Variants in SERPINB5 observed in about 807,000 individuals in gnomAD.
SERPINB5 encodes serpin family B member 5.
A neutral mutation model predicts 32.2 loss-of-function variants in SERPINB5; 27 were observed. That is an observed-to-expected ratio of 0.84 (90% CI 0.62 to 1.16). SERPINB5 has a LOEUF of 1.16. SERPINB5 is among the 50% of genes most tolerant of loss of function. The probability of loss-of-function intolerance (pLI) is 0.00; values close to 1 mark genes in which losing one functional copy is unlikely to be tolerated. For synonymous variants in SERPINB5, 154 were observed against 157.4 expected, an observed-to-expected ratio of 0.98 and a Z score of 0.16; for missense variants, 388 against 436.3, an observed-to-expected ratio of 0.89 and a Z score of 0.99.
At chr18:63,487,688 A>G (rs1283683566) in intron 3 of SERPINB5, among the ~76,000 whole-genome samples, 2 of 152,196 alleles carry the variant, frequency 1.3e-5, no homozygotes, top group Non-Finnish European at 2.9e-5. Context: ...TACAAACACC[A>G]CTACGGTACC....
intron 6 of SERPINB5, among the ~76,000 whole-genome samples, chr18:63,502,651 C>G (rs2144512457): frequency 6.6e-6 from 1 of 152,212 alleles, no homozygotes; most frequent in Admixed American, 6.5e-5. Flanking sequence ...GTGTAAAAAG[C>G]TTTCTAATTT....
chr18:63,489,401 T>C lies in SERPINB5; in HGVS notation c.361T>C (p.Phe121Leu). The C allele has an allele frequency of 6.2e-7, 1 of 1,613,528 alleles. No homozygotes were observed. Among genetic ancestry groups the C allele is most frequent in the South Asian group, 1.1e-5 (1 of 90,944 alleles). ...PYAKELETVD[F>L]KDKLEETKGQ... ...TGCAAAGGAATTGGAAACTGTTGACTTCAAAGATAAATTGGAAGAAACGAA... is the reference window on the plus strand; with the variant it reads ...TGCAAAGGAATTGGAAACTGTTGACCTCAAAGATAAATTGGAAGAAACGAA... Residue 121 changes from phenylalanine (F) to leucine (L), a missense_variant, in exon 4 of 7, where the codon TTC becomes CTC. By Grantham distance (22) the Phe-to-Leu change is conservative. Coordinates refer to ENST00000382771, the MANE Select transcript of SERPINB5 (RefSeq NM_002639.5).
At chr18:63,484,711 A>G in intron 2 of SERPINB5, 115 bp downstream of exon 2, 1 of 615,008 alleles carries the variant, frequency 1.6e-6, no homozygotes, top group South Asian at 2.4e-5. Context: ...GTCAAGATTC[A>G]GAACTGTGCC....
At chr18:63,487,434 A>G (rs1329887484) in intron 3 of SERPINB5, among the ~76,000 whole-genome samples, 1 of 152,210 alleles carries the variant, frequency 6.6e-6, no homozygotes, top group African/African-American at 2.4e-5. Flanking sequence ...TAAGACAGCT[A>G]ATGATTTAAA....
intron 3 of SERPINB5, among the ~76,000 whole-genome samples, chr18:63,488,968 A>G (rs1178279156): frequency 6.6e-6 from 1 of 152,114 alleles, no homozygotes; most frequent in East Asian, 1.9e-4. Context: ...CAAAGACAAG[A>G]GTTTTCTGCT....
intron 1 of SERPINB5, among the ~76,000 whole-genome samples, chr18:63,481,790 A>T (rs1300484241): frequency 6.6e-6 from 1 of 152,152 alleles, no homozygotes; most frequent in East Asian, 1.9e-4. Context: ...ACAGGCTTTC[A>T]TTTTTGCCTC....
At chr18:63,497,552 A>G (rs978200453) in intron 5 of SERPINB5, among the ~76,000 whole-genome samples, 1 of 152,072 alleles carries the variant, frequency 6.6e-6, no homozygotes, top group Admixed American at 6.5e-5. Context: ...GGACTTAGAG[A>G]TAATTTTAAA....
intron 4 of SERPINB5, among the ~76,000 whole-genome samples, chr18:63,491,364 T>A (rs935627008): frequency 4.4e-5 from 6 of 137,306 alleles, no homozygotes; most frequent in Non-Finnish European, 9.1e-5. Flanking sequence ...ATCGCGCCAT[T>A]GCACTCCAGC....
intron 6 of SERPINB5, among the ~76,000 whole-genome samples, chr18:63,500,278 G>A (rs1390269990): frequency 1.3e-5 from 2 of 149,526 alleles, no homozygotes; most frequent in South Asian, 2.1e-4. Context: ...TGTCCAGGCT[G>A]GTCTTGAAAT....
chr18:63,497,653 G>A (rs939307742), intron 5 of SERPINB5, among the ~76,000 whole-genome samples: 12 of 151,988 alleles, frequency 7.9e-5, no homozygotes, highest in East Asian at 5.8e-4. Flanking sequence ...ATAATAAAAC[G>A]AACACCCATA....
intron 5 of SERPINB5, among the ~76,000 whole-genome samples, chr18:63,495,957 C>G (rs1308041085): frequency 6.6e-6 from 1 of 152,286 alleles, no homozygotes; most frequent in South Asian, 2.1e-4. Flanking sequence ...TTTTCTTATG[C>G]CCCGTGGTGT....
In SERPINB5 at chr18:63,504,912, G is replaced by A. The variant is rs11664401; in HGVS notation, c.*1190G>A. On this transcript the variant is annotated 3_prime_UTR_variant, in exon 7 of 7. Transcript: ENST00000382771. ...GTAAAGTTGGTTGGATAAGCTATCC[G>A]TGTTGCAGGTTCATGGATTACTTCT... is the stretch of plus-strand genomic sequence containing the variant. The A allele has an allele frequency of 0.6, 91,649 of 151,924 alleles. 29,233 individuals carry two copies. Among genetic ancestry groups the A allele is most frequent in the Non-Finnish European group, 0.71 (48,290 of 67,962 alleles). 9.4% of individuals were successfully genotyped at this position (151,924 alleles called of 1,614,324 possible).
intron 4 of SERPINB5, among the ~76,000 whole-genome samples, chr18:63,490,452 C>T (rs1034065440): frequency 7.2e-5 from 11 of 152,100 alleles, no homozygotes; most frequent in Non-Finnish European, 1.6e-4. Flanking sequence ...TGTCCCCCTC[C>T]CCAGTGGATA....
chr18:63,477,071 G>A (rs1917048023), intron 1 of SERPINB5, 26 bp downstream of exon 1: 1 of 152,240 alleles, frequency 6.6e-6, no homozygotes, highest in Non-Finnish European at 1.5e-5. Flanking sequence ...TAGCAGGGCT[G>A]GTGACTTCCT....
chr18:63,497,433 G>T (rs575311614), intron 5 of SERPINB5: 2 of 856,826 alleles, frequency 2.3e-6, no homozygotes, highest in Admixed American at 3.5e-5. Flanking sequence ...TGTCCCTGCT[G>T]CTGCGGCTGC....
chr18:63,499,360 TGGG>T, intron 6 of SERPINB5, 73 bp downstream of exon 6: 1 of 1,343,340 alleles, frequency 7.4e-7, no homozygotes. Context: ...CAGGTCTGTG[TGGG>T]CCGTGAGAGC....
chr18:63,497,407 G>A (rs771695651), intron 5 of SERPINB5: 7 of 1,129,400 alleles, frequency 6.2e-6, no homozygotes, highest in Middle Eastern at 2.5e-4. Context: ...GTGAAGCTCT[G>A]TGGGGGTCAC....
intron 3 of SERPINB5, among the ~76,000 whole-genome samples, chr18:63,487,773 T>C (rs528579894): frequency 5.3e-4 from 80 of 152,342 alleles, no homozygotes; most frequent in South Asian, 1.9e-3. Context: ...TTTCCCTCTG[T>C]ACTTCAGTAA....
At chr18:63,503,277 C>T (rs1909607137) in intron 6 of SERPINB5, 53 bp from the exon 7 acceptor site, 7 of 1,534,412 alleles carry the variant, frequency 4.6e-6, no homozygotes, top group Admixed American at 4.2e-5. Flanking sequence ...TGAGCCAGGT[C>T]TTTTACAGTT....
Sources: allele counts gnomAD v4.1 joint callset (sites outside exome capture counted in the v4.1 genomes callset), GRCh38; gene constraint gnomAD v4.1.1; transcripts MANE v1.5; gene names NCBI Gene and HGNC (gene_info 2026-07-23, HGNC 2026-07-21).